Variants in SLC8A1 observed in about 807,000 individuals in gnomAD.
SLC8A1 encodes solute carrier family 8 member A1, also known as sodium/calcium exchanger 1.
A neutral mutation model predicts 68.3 loss-of-function variants in SLC8A1; 18 were observed. The ratio of observed to expected loss-of-function variants is 0.26; its 90% CI spans 0.18 to 0.39. The LOEUF (loss-of-function observed/expected upper bound fraction) is 0.39. Ranked by LOEUF, SLC8A1 falls within the 10% of genes least tolerant of loss-of-function variation. The pLI is 1.00. For missense variants in SLC8A1, 985 were observed against 1,156.7 expected, an observed-to-expected ratio of 0.85 and a Z score of 2.15; for synonymous variants, 475 against 415.5, an observed-to-expected ratio of 1.14 and a Z score of -1.74.
At chr2:40,174,612 T>C (rs1214453950) in intron 4 of SLC8A1, 94 bp downstream of exon 6, 9 of 1,173,144 alleles carry the variant, frequency 7.7e-6, no homozygotes, top group Non-Finnish European at 1.1e-5. Flanking sequence ...GTGCCACAGT[T>C]AAATATTAAT....
At chr2:40,326,796 G>C (rs1011364116) in intron 2 of SLC8A1, among the ~76,000 whole-genome samples, 10 of 152,134 alleles carry the variant, frequency 6.6e-5, no homozygotes, top group African/African-American at 2.4e-4. Flanking sequence ...TGTGTTTTAA[G>C]TATTCTCTTA....
In SLC8A1 at chr2:40,434,492, C is replaced by T. The variant is rs368611114; in HGVS notation, c.-24-4188G>A. ...TCAGATTCAAAGTAGTTCTACTAAACTCTCCCCATTTTCCCTCAAATATAC... is the reference window on the plus strand; with the variant it reads ...TCAGATTCAAAGTAGTTCTACTAAATTCTCCCCATTTTCCCTCAAATATAC... On this transcript the variant is annotated intron_variant, in intron 1 of 7. Coordinates refer to ENST00000406785, the Ensembl canonical transcript of SLC8A1. Among the ~76,000 whole-genome samples, 42 of 152,226 alleles carry T rather than the reference C, an allele frequency of 2.8e-4. No individual in the cohort carries two copies. The South Asian group carries it at 4.6e-3, about 17-fold the overall frequency.
At chr2:40,107,279 C>CAAAAAAAAAAAAAAAAAAAAAAAA (rs70957143) in exon 8 of SLC8A1, 24 of 64,900 alleles carry the variant, frequency 3.7e-4, no homozygotes, top group African/African-American at 1.1e-3. Context: ...GACTCCGTCT[C>CAAAAAAAAAAAAAAAAAAAAAAAA]AAAAAAAAAA....
intron 2 of SLC8A1, among the ~76,000 whole-genome samples, chr2:40,260,741 G>C (rs535874703): frequency 2.1e-5 from 3 of 142,438 alleles, no homozygotes; most frequent in Non-Finnish European, 4.6e-5. Flanking sequence ...TGTGTATGTG[G>C]TTTTTTTTTT....
chr2:40,125,149 G>A (rs2037794454), intron 7 of SLC8A1, among the ~76,000 whole-genome samples: 1 of 152,204 alleles, frequency 6.6e-6, no homozygotes, highest in South Asian at 2.1e-4. Flanking sequence ...CTCTGGGAAG[G>A]AGTGAACGGC....
At chr2:40,254,159 CATT>C (rs1221613678) in intron 2 of SLC8A1, among the ~76,000 whole-genome samples, 9 of 151,416 alleles carry the variant, frequency 5.9e-5, no homozygotes, top group Non-Finnish European at 1.3e-4. Flanking sequence ...TATTTATAAT[CATT>C]ATGTCAACAA....
At chr2:40,360,316 C>G (rs1262357181) in intron 2 of SLC8A1, among the ~76,000 whole-genome samples, 4 of 152,144 alleles carry the variant, frequency 2.6e-5, no homozygotes, top group Non-Finnish European at 5.9e-5. Context: ...TTGGGATCAT[C>G]ATGCTACCAT....
intron 2 of SLC8A1, among the ~76,000 whole-genome samples, chr2:40,334,714 C>G (rs983507610): frequency 1.3e-5 from 2 of 152,082 alleles, no homozygotes; most frequent in Non-Finnish European, 2.9e-5. Context: ...ATTATCAGAT[C>G]ATTGATCAAA....
intron 2 of SLC8A1, among the ~76,000 whole-genome samples, chr2:40,230,755 G>A (rs138308873): frequency 6.6e-6 from 1 of 152,160 alleles, no homozygotes; most frequent in East Asian, 1.9e-4. Context: ...CAGCTTACAA[G>A]AACAAAAAAT....
chr2:40,292,367 G>A (rs767875534), intron 2 of SLC8A1, among the ~76,000 whole-genome samples: 18 of 152,080 alleles, frequency 1.2e-4, no homozygotes, highest in Non-Finnish European at 1.5e-4. Flanking sequence ...TTTTGGAGGC[G>A]TGGACAATGA....
chr2:40,253,589 G>C (rs1290365580), intron 2 of SLC8A1, among the ~76,000 whole-genome samples: 2 of 152,132 alleles, frequency 1.3e-5, no homozygotes, highest in Non-Finnish European at 2.9e-5. Context: ...ATTTTGGGAG[G>C]CCGAGGCAGG....
At chr2:40,384,803 C>G (rs1337617601) in intron 2 of SLC8A1, among the ~76,000 whole-genome samples, 1 of 152,002 alleles carries the variant, frequency 6.6e-6, no homozygotes, top group African/African-American at 2.4e-5. Context: ...TTAGCTTTTA[C>G]AATTTTTTCC....
At chr2:40,273,899 T>C (rs2066369164) in intron 2 of SLC8A1, among the ~76,000 whole-genome samples, 2 of 148,782 alleles carry the variant, frequency 1.3e-5, no homozygotes, top group African/African-American at 5.0e-5. Context: ...AGTTGAGATG[T>C]GCTGTCAGCC....
chr2:40,235,684 G>A (rs1206288692), intron 2 of SLC8A1, among the ~76,000 whole-genome samples: 1 of 151,780 alleles, frequency 6.6e-6, no homozygotes, highest in Non-Finnish European at 1.5e-5. Flanking sequence ...TCTTTTAATG[G>A]TGATGTTAGG....
At chr2:40,409,003 C>T (rs545041731) in intron 2 of SLC8A1, among the ~76,000 whole-genome samples, 2 of 152,016 alleles carry the variant, frequency 1.3e-5, no homozygotes, top group South Asian at 2.1e-4. Context: ...AACTATACAG[C>T]GTTTTAAACA....
chr2:40,234,475 C>T (rs2060099027), intron 2 of SLC8A1, among the ~76,000 whole-genome samples: 1 of 152,088 alleles, frequency 6.6e-6, no homozygotes, highest in African/African-American at 2.4e-5. Context: ...GCTGAAGTTG[C>T]TTATCAGCTT....
intron 2 of SLC8A1, among the ~76,000 whole-genome samples, chr2:40,243,851 C>A (rs759618720): frequency 9.2e-5 from 14 of 152,172 alleles, no homozygotes; most frequent in Non-Finnish European, 1.6e-4. Flanking sequence ...TCTAGTGCCT[C>A]CTTCCCTCTG....
At chr2:40,319,697 C>T (rs1360794822) in intron 2 of SLC8A1, among the ~76,000 whole-genome samples, 4 of 152,064 alleles carry the variant, frequency 2.6e-5, no homozygotes, top group African/African-American at 4.8e-5. Context: ...TTTGACTTTC[C>T]TCCATTAGCC....
At chr2:40,288,950 T>C (rs1559108566) in intron 2 of SLC8A1, among the ~76,000 whole-genome samples, 1 of 151,150 alleles carries the variant, frequency 6.6e-6, no homozygotes, top group African/African-American at 2.4e-5. Flanking sequence ...TCCTCCCAAC[T>C]TGGCCTCCCA....
Sources: allele counts gnomAD v4.1 joint callset (sites outside exome capture counted in the v4.1 genomes callset), GRCh38; gene constraint gnomAD v4.1.1; transcripts MANE v1.5; gene names NCBI Gene and HGNC (gene_info 2026-07-23, HGNC 2026-07-21).